FERMT2: variants seen among roughly 807,000 people sequenced by gnomAD.
FERMT2 encodes the protein FERM domain containing kindlin 2.
Under a neutral mutation model 82.7 loss-of-function variants are expected in FERMT2, and 15 were observed. The ratio of observed to expected loss-of-function variants is 0.18; its 90% CI spans 0.12 to 0.28. The LOEUF (loss-of-function observed/expected upper bound fraction) is 0.28, where lower values mean the gene tolerates loss of function less well. Among genes scored for constraint, FERMT2 ranks in the 10% least tolerant of loss-of-function variants. The probability of loss-of-function intolerance (pLI) is 1.00; values close to 1 mark genes in which losing one functional copy is unlikely to be tolerated. For missense variants in FERMT2, 645 were observed against 809.4 expected, an observed-to-expected ratio of 0.80 and a Z score of 2.46; for synonymous variants, 274 against 271.5, an observed-to-expected ratio of 1.01 and a Z score of -0.09.
intron 2 of FERMT2, among the ~76,000 whole-genome samples, chr14:52,925,369 C>T (rs781051012): frequency 4.6e-5 from 7 of 151,940 alleles, no homozygotes; most frequent in East Asian, 3.9e-4. Flanking sequence ...ACCAGCCTGG[C>T]CAATATGGTG....
At chr14:52,924,065 G>A (rs1175108689) in intron 2 of FERMT2, among the ~76,000 whole-genome samples, 1 of 152,184 alleles carries the variant, frequency 6.6e-6, no homozygotes, top group Non-Finnish European at 1.5e-5. Context: ...AAGAACATCA[G>A]ACGTGCTGAA....
intron 2 of FERMT2, among the ~76,000 whole-genome samples, chr14:52,920,377 TC>T (rs1888890594): frequency 6.6e-6 from 1 of 152,082 alleles, no homozygotes; most frequent in Admixed American, 6.6e-5. Flanking sequence ...ATGCCTGTAA[TC>T]CCAGAACTTT....
intron 2 of FERMT2, chr14:52,928,216 G>A (rs560082682): frequency 4.4e-6 from 1 of 227,940 alleles, no homozygotes; most frequent in Non-Finnish European, 9.6e-6. Context: ...GTTTACATTA[G>A]ATAATCTTTG....
chr14:52,927,825 A>G (rs994809095), intron 2 of FERMT2, among the ~76,000 whole-genome samples: 4 of 152,070 alleles, frequency 2.6e-5, no homozygotes, highest in African/African-American at 9.7e-5. Flanking sequence ...AACTTTGCAC[A>G]GTGGCTGCTA....
At position 52,859,562 on chromosome 14, in the gene FERMT2, T is replaced by C. The variant is rs1566712851; in HGVS notation, c.1869+11A>G. The C allele has an allele frequency of 1.3e-6, 2 of 1,593,560 alleles. No individual in the cohort carries two copies. The highest frequency in any genetic ancestry group is 1.7e-6 in the Non-Finnish European group (2 of 1,168,014). Reference sequence around the variant, plus strand: ...AAGGACTATATTCAAGTAACATTGTTATGAGTTTACCATTTTGATTTCCCA... The same window carrying C: ...AAGGACTATATTCAAGTAACATTGTCATGAGTTTACCATTTTGATTTCCCA... On this transcript the variant is annotated intron_variant, in intron 14 of 14. Coordinates refer to ENST00000341590, the MANE Select transcript of FERMT2 (RefSeq NM_006832.3).
intron 2 of FERMT2, among the ~76,000 whole-genome samples, chr14:52,921,747 G>GA (rs886586028): frequency 3.4e-5 from 5 of 148,256 alleles, no homozygotes; most frequent in African/African-American, 5.0e-5. Context: ...GAAAACAGGG[G>GA]AAAAAAAAAA....
intron 13 of FERMT2, 82 bp downstream of exon 13, chr14:52,860,258 AG>A: frequency 8.3e-7 from 1 of 1,203,064 alleles, no homozygotes; most frequent in South Asian, 1.4e-5. Context: ...GGTATGCTTT[AG>A]ATGTTTAATA....
At chr14:52,886,695 T>G (rs1453032731) in intron 4 of FERMT2, among the ~76,000 whole-genome samples, 1 of 152,176 alleles carries the variant, frequency 6.6e-6, no homozygotes, top group African/African-American at 2.4e-5. Flanking sequence ...TTTATGTTAT[T>G]AAAATAAGAC....
At position 52,858,532 on chromosome 14, in the gene FERMT2, C is replaced by G. The variant is rs200392394; in HGVS notation, c.1888G>C (p.Asp630His). 29 of 1,614,114 alleles carry G rather than the reference C, an allele frequency of 1.8e-5. No homozygotes were observed. Among genetic ancestry groups the G allele is most frequent in the Admixed American group, 8.3e-5 (5 of 60,024 alleles). ...EIKMVTVEFA[D>H]EVRLSFICTE... ...CAAATGAAGGACAATCGTACTTCAT[C>G]TGCAAACTCTACGGTGACCTGGAAC... The change falls in exon 15 of 15, where the codon GAT becomes CAT. Residue 630 changes from aspartate to histidine, a missense_variant. Asp to His is a moderately conservative substitution (Grantham distance 81, BLOSUM62 -1). Coordinates refer to ENST00000341590, the MANE Select transcript of FERMT2 (RefSeq NM_006832.3).
intron 2 of FERMT2, among the ~76,000 whole-genome samples, chr14:52,926,705 G>A (rs1054770967): frequency 6.6e-6 from 1 of 151,982 alleles, no homozygotes; most frequent in Non-Finnish European, 1.5e-5. Context: ...AAAAAGGCTC[G>A]GGGGTGGGGC....
rs771194186 is a variant in FERMT2 at position 52,877,574 on chromosome 14, C to CTTTAATTT, written c.963+1007_963+1008insAAATTAAA. On this transcript the variant is annotated intron_variant, in intron 7 of 14. Coordinates refer to ENST00000341590, the MANE Select transcript of FERMT2 (RefSeq NM_006832.3). ...CTAAGGTGAAAATTAGCTGTTCTTGCTTTTTTTTTTTTTTTTTTTTTTTTG... is the reference window on the plus strand; with the variant it reads ...CTAAGGTGAAAATTAGCTGTTCTTGCTTTAATTTTTTTTTTTTTTTTTTTTTTTTTTTG... Among the ~76,000 whole-genome samples, 252 of 67,048 alleles carry CTTTAATTT rather than the reference C, an allele frequency of 3.8e-3. 5 individuals are homozygous for CTTTAATTT. Among genetic ancestry groups the CTTTAATTT allele is most frequent in the African/African-American group, 0.015 (243 of 16,392 alleles). 44.0% of individuals were successfully genotyped at this position (67,048 alleles called of 152,430 possible).
chr14:52,909,250 G>A (rs552121996), intron 3 of FERMT2, among the ~76,000 whole-genome samples: 4 of 152,138 alleles, frequency 2.6e-5, no homozygotes, highest in Admixed American at 1.3e-4. Flanking sequence ...AAAAAGTTTC[G>A]AATTTTGGAG....
At chr14:52,943,437 C>T (rs1890187008) in intron 2 of FERMT2, among the ~76,000 whole-genome samples, 1 of 151,782 alleles carries the variant, frequency 6.6e-6, no homozygotes, top group Non-Finnish European at 1.5e-5. Context: ...TTCTGTATAT[C>T]AAAGGAGATT....
At chr14:52,893,881 T>C (rs1255731212) in intron 3 of FERMT2, among the ~76,000 whole-genome samples, 1 of 150,848 alleles carries the variant, frequency 6.6e-6, no homozygotes, top group Non-Finnish European at 1.5e-5. Flanking sequence ...CAGGCTGGAG[T>C]GCAATTGAGC....
At chr14:52,890,934 C>T (rs1416258983) in intron 4 of FERMT2, among the ~76,000 whole-genome samples, 1 of 152,158 alleles carries the variant, frequency 6.6e-6, no homozygotes, top group East Asian at 1.9e-4. Flanking sequence ...TCTTCCTCAA[C>T]CTACAGGCTT....
chr14:52,874,734 CAGAGTATT>C (rs1885846470), intron 8 of FERMT2, among the ~76,000 whole-genome samples: 1 of 152,170 alleles, frequency 6.6e-6, no homozygotes, highest in Admixed American at 6.5e-5. Context: ...AAAGAATTTG[CAGAGTATT>C]AGAGTATTAG....
At chr14:52,944,129 GA>G (rs996368658) in intron 2 of FERMT2, among the ~76,000 whole-genome samples, 95 of 152,170 alleles carry the variant, frequency 6.2e-4, no homozygotes, top group African/African-American at 2.2e-3. Context: ...CACTTTTAAA[GA>G]ACTTAAAATT....
At chr14:52,866,770 GA>G (rs1885305190) in intron 10 of FERMT2, among the ~76,000 whole-genome samples, 1 of 152,136 alleles carries the variant, frequency 6.6e-6, no homozygotes. Flanking sequence ...CCAAGAAAAT[GA>G]AAGCCACCAG....
intron 3 of FERMT2, among the ~76,000 whole-genome samples, chr14:52,895,559 T>G (rs1887208260): frequency 6.6e-6 from 1 of 152,194 alleles, no homozygotes; most frequent in Non-Finnish European, 1.5e-5. Context: ...TTTATTATAT[T>G]AAGTGGAAGA....
Sources: gnomAD v4.1 joint callset for allele counts (sites outside exome capture counted in the v4.1 genomes callset) on GRCh38, gnomAD v4.1.1 for gene constraint, MANE v1.5 for transcripts, NCBI Gene and HGNC (gene_info 2026-07-23, HGNC 2026-07-21) for gene names.